UGGT2: variants seen among roughly 807,000 people sequenced by gnomAD.
UGGT2 encodes the protein UDP-glucose:glycoprotein glucosyltransferase 2.
In UGGT2, 180 loss-of-function variants were observed where a neutral mutation model predicts 192.1. The ratio of observed to expected loss-of-function variants is 0.94; its 90% CI spans 0.83 to 1.06. The LOEUF (loss-of-function observed/expected upper bound fraction) is 1.06. UGGT2 is among the 50% of genes least tolerant of loss of function. UGGT2 has a pLI of 0.00. For synonymous variants in UGGT2, 580 were observed against 591.0 expected (o/e 0.98, Z 0.27); for missense variants, 1,849 against 1,795.7 (o/e 1.03, Z -0.54).
chr13:95,975,091 A>G (rs1218692340), intron 10 of UGGT2, among the ~76,000 whole-genome samples: 1 of 152,168 alleles, frequency 6.6e-6, no homozygotes, highest in Admixed American at 6.5e-5. Context: ...AAAAAAATAA[A>G]TATGAAAAAT....
chr13:95,859,680 A>G lies in UGGT2; in HGVS notation c.3741-5T>C. 6.3e-7 allele frequency: 1 copy of G among 1,598,088 alleles called. No individual in the cohort carries two copies. The highest frequency in any genetic ancestry group is 1.1e-5 in the South Asian group (1 of 88,590). The stretch of plus-strand genomic sequence containing the variant: ...AAAACAGAAAGCATCATAATTCTGT[A>G]TAAAAGAATATTAAACCCAATATAC... On this transcript the variant is annotated splice_polypyrimidine_tract_variant and splice_region_variant and intron_variant, in intron 32 of 38. Coordinates refer to ENST00000376747, the MANE Select transcript of UGGT2 (RefSeq NM_020121.4).
At position 96,051,939 on chromosome 13, in the gene UGGT2, G is replaced by C. The variant is rs888575209; in HGVS notation, c.158+1216C>G. ...GTGTGGGGAGTCCTCAAAGTACTAA[G>C]AGTAGATCTACCATTTGATCCAGCA... On this transcript the variant is annotated intron_variant, in intron 1 of 38. Coordinates refer to ENST00000376747, the MANE Select transcript of UGGT2 (RefSeq NM_020121.4). Among the ~76,000 whole-genome samples the C allele has an allele frequency of 2.6e-5, 4 of 152,172 alleles. No homozygotes were observed. In the East Asian group the frequency reaches 7.7e-4, roughly 29 times the overall value.
intron 12 of UGGT2, among the ~76,000 whole-genome samples, chr13:95,966,214 C>T (rs1436073947): frequency 6.6e-6 from 1 of 152,110 alleles, no homozygotes; most frequent in Non-Finnish European, 1.5e-5. Context: ...TATTTGGCCA[C>T]AGAAAAGAAT....
At chr13:95,896,210 C>T (rs996350738) in intron 22 of UGGT2, among the ~76,000 whole-genome samples, 1 of 151,890 alleles carries the variant, frequency 6.6e-6, no homozygotes, top group Non-Finnish European at 1.5e-5. Context: ...TTTCTCACTT[C>T]CCCTTCACCT....
intron 17 of UGGT2, among the ~76,000 whole-genome samples, chr13:95,932,253 A>C (rs2049306478): frequency 6.6e-6 from 1 of 151,182 alleles, no homozygotes; most frequent in South Asian, 2.1e-4. Flanking sequence ...AGTGTTTAGT[A>C]ATTATCCTTG....
chr13:96,010,235 C>T (rs1432746191), intron 5 of UGGT2, among the ~76,000 whole-genome samples: 1 of 152,118 alleles, frequency 6.6e-6, no homozygotes, highest in Non-Finnish European at 1.5e-5. Flanking sequence ...GGAAATCAAC[C>T]TGAATGCCCA....
intron 29 of UGGT2, among the ~76,000 whole-genome samples, chr13:95,875,490 C>T (rs1891596912): frequency 6.6e-6 from 1 of 152,130 alleles, no homozygotes; most frequent in African/African-American, 2.4e-5. Context: ...TCAGATCCTG[C>T]TGGGATATAC....
At chr13:96,017,012 G>C (rs1041532420) in intron 4 of UGGT2, among the ~76,000 whole-genome samples, 6 of 152,184 alleles carry the variant, frequency 3.9e-5, no homozygotes, top group African/African-American at 1.4e-4. Context: ...AAGATTTAGT[G>C]CCTGCCTACT....
chr13:95,884,065 C>CAAAA lies in UGGT2; in HGVS notation c.3228+422_3228+425dup, dbSNP rs35937679. On this transcript the variant is annotated intron_variant, in intron 27 of 38. Transcript: ENST00000376747. ...TTTCTCTGGCTATGAGCTGTGAGGC[C>CAAAA]AAAAAAAAAAAAAAAAAAAAACCAA... Among the ~76,000 whole-genome samples, 727 of 73,168 alleles carry CAAAA rather than the reference C, an allele frequency of 9.9e-3. 1 individual carries two copies. The highest frequency in any genetic ancestry group is 0.015 in the East Asian group (39 of 2,534). 48.0% of individuals were successfully genotyped at this position (73,168 alleles called of 152,430 possible).
intron 36 of UGGT2, among the ~76,000 whole-genome samples, chr13:95,846,240 C>A (rs535059267): frequency 5.9e-5 from 9 of 152,156 alleles, no homozygotes; most frequent in African/African-American, 2.2e-4. Flanking sequence ...CTGGCCGACA[C>A]GGCGAAACCC....
intron 29 of UGGT2, among the ~76,000 whole-genome samples, chr13:95,874,610 G>T (rs1297458996): frequency 6.6e-6 from 1 of 152,100 alleles, no homozygotes; most frequent in Non-Finnish European, 1.5e-5. Flanking sequence ...TTGGACTGTG[G>T]TTAACCATGG....
intron 26 of UGGT2, among the ~76,000 whole-genome samples, chr13:95,885,025 C>G (rs1241300761): frequency 1.3e-5 from 2 of 152,112 alleles, no homozygotes; most frequent in Non-Finnish European, 2.9e-5. Context: ...TGACCATGGT[C>G]TATTTTTCAG....
In UGGT2 at chr13:95,909,891, T is replaced by G. The variant is rs949119812; in HGVS notation, c.2296-6831A>C. ...AAGCCCATCAGACTAACAACGGACC[T>G]CTCAGCAGAAACCCTACAAGCCAGA... On this transcript the variant is annotated intron_variant, in intron 20 of 38. Transcript: ENST00000376747. 2.7e-5 allele frequency among the ~76,000 whole-genome samples: 4 copies of G among 148,004 alleles called. No homozygotes were observed. In the East Asian group the frequency reaches 8.0e-4, roughly 30 times the overall value.
At chr13:96,016,276 CA>C (rs2139086177) in intron 4 of UGGT2, among the ~76,000 whole-genome samples, 1 of 152,272 alleles carries the variant, frequency 6.6e-6, no homozygotes, top group East Asian at 1.9e-4. Context: ...GGCTATTGGG[CA>C]ACCATTTGCT....
chr13:95,886,096 G>C (rs1474212364), intron 26 of UGGT2, among the ~76,000 whole-genome samples: 1 of 152,100 alleles, frequency 6.6e-6, no homozygotes, highest in Non-Finnish European at 1.5e-5. Flanking sequence ...GAACAAACAG[G>C]AAAGCATGAG....
At chr13:95,868,831 T>C (rs1171999959) in intron 29 of UGGT2, among the ~76,000 whole-genome samples, 1 of 151,926 alleles carries the variant, frequency 6.6e-6, no homozygotes, top group African/African-American at 2.4e-5. Flanking sequence ...TCCACTTCCA[T>C]CAGGTAGCAG....
intron 36 of UGGT2, among the ~76,000 whole-genome samples, chr13:95,845,255 G>A (rs1214916017): frequency 6.6e-6 from 1 of 151,782 alleles, no homozygotes. Context: ...TAGGACAATA[G>A]TGGAGGGAAG....
Position 95,856,201 on chromosome 13 carries a change from A to G in UGGT2, c.3965T>C (p.Phe1322Ser), listed in dbSNP as rs374990243. The G allele has an allele frequency of 9.3e-6, 15 of 1,613,230 alleles. No individual in the cohort carries two copies. The African/African-American group carries it at 1.9e-4, about 20-fold the overall frequency. The change falls in exon 34 of 39, where the codon TTC (phenylalanine) becomes TCC (serine). Residue 1322 changes from phenylalanine to serine, a missense_variant. By Grantham distance (155) the Phe-to-Ser change is radical. Coordinates refer to ENST00000376747, the MANE Select transcript of UGGT2 (RefSeq NM_020121.4). ...GYKILFLDVL[F>S]PLAVDKIIFV... is the part of the protein sequence containing the mutation. ...AATGATTTTGTCCACTGCTAGTGGG[A>G]AAAGAACATCAAGGAAAAGAATTTT...
chr13:95,921,869 C>A (rs529566466), intron 20 of UGGT2, among the ~76,000 whole-genome samples: 2 of 152,270 alleles, frequency 1.3e-5, no homozygotes, highest in African/African-American at 4.8e-5. Flanking sequence ...GCAGTTTGGA[C>A]ATTTCTCAGA....
Sources: gnomAD v4.1 joint callset for allele counts (sites outside exome capture counted in the v4.1 genomes callset) on GRCh38, gnomAD v4.1.1 for gene constraint, MANE v1.5 for transcripts, NCBI Gene and HGNC (gene_info 2026-07-23, HGNC 2026-07-21) for gene names.